Variants in IL1RAP observed in about 807,000 individuals in gnomAD.
IL1RAP encodes interleukin 1 receptor accessory protein.
IL1RAP carries 35 observed loss-of-function variants against 60.7 expected under a neutral mutation model. That is an observed-to-expected ratio of 0.58 (90% CI 0.44 to 0.76). The LOEUF (loss-of-function observed/expected upper bound fraction) is 0.76. IL1RAP is among the 30% of genes least tolerant of loss of function. The probability of loss-of-function intolerance (pLI) is 0.00; values close to 1 mark genes in which losing one functional copy is unlikely to be tolerated. For missense variants in IL1RAP, 572 were observed against 693.9 expected, an observed-to-expected ratio of 0.82 and a Z score of 1.97; for synonymous variants, 268 against 250.9, an observed-to-expected ratio of 1.07 and a Z score of -0.64.
At chr3:190,634,723 TTG>T (rs1374805946) in intron 9 of IL1RAP, among the ~76,000 whole-genome samples, 2 of 134,024 alleles carry the variant, frequency 1.5e-5, no homozygotes, top group Non-Finnish European at 3.0e-5. Context: ...TTTTTTGTTG[TTG>T]TTTTTTTTGA....
Position 190,556,622 on chromosome 3 carries a change from G to A in IL1RAP, c.-2+406G>A, listed in dbSNP as rs181152196. 1.8e-3 allele frequency among the ~76,000 whole-genome samples: 278 copies of A among 152,234 alleles called. 1 individual carries two copies. Among genetic ancestry groups the A allele is most frequent in the South Asian group, 5.4e-3 (26 of 4,826 alleles). Reference sequence around the variant, plus strand: ...TCTGTAATTTGTCAAGGCCAGACTTGACAACTAAAACTATCTTCTTTGAAA... The same window carrying A: ...TCTGTAATTTGTCAAGGCCAGACTTAACAACTAAAACTATCTTCTTTGAAA... On this transcript the variant is annotated intron_variant, in intron 2 of 11. Transcript: ENST00000447382.
chr3:190,621,803 A>G (rs1731803572), intron 6 of IL1RAP, among the ~76,000 whole-genome samples: 1 of 152,218 alleles, frequency 6.6e-6, no homozygotes, highest in South Asian at 2.1e-4. Flanking sequence ...GGAAAAACCA[A>G]GTAACTTTGC....
chr3:190,655,225 TC>T (rs1734575465), downstream of IL1RAP, among the ~76,000 whole-genome samples: 1 of 152,196 alleles, frequency 6.6e-6, no homozygotes, highest in African/African-American at 2.4e-5. Flanking sequence ...TTATGTTCAC[TC>T]CTGTTCATAA....
intron 11 of IL1RAP, 42 bp from the exon 12 acceptor site, chr3:190,648,296 T>C: frequency 1.3e-6 from 2 of 1,522,966 alleles, no homozygotes; most frequent in Non-Finnish European, 8.8e-7. Context: ...TTTTGGGGAG[T>C]TTTTGGCCAA....
intron 3 of IL1RAP, among the ~76,000 whole-genome samples, chr3:190,590,942 A>G (rs112088391): frequency 6.6e-6 from 1 of 152,224 alleles, no homozygotes; most frequent in Non-Finnish European, 1.5e-5. Context: ...ACTTGCTACA[A>G]GTAAACTCTT....
At chr3:190,519,497 G>A (rs1008296162) in intron 1 of IL1RAP, among the ~76,000 whole-genome samples, 41 of 152,044 alleles carry the variant, frequency 2.7e-4, no homozygotes, top group African/African-American at 9.4e-4. Flanking sequence ...TGGAACCTGC[G>A]TGTGCCTGAG....
chr3:190,514,611 C>A (rs2108571988), intron 1 of IL1RAP, among the ~76,000 whole-genome samples: 1 of 151,286 alleles, frequency 6.6e-6, no homozygotes, highest in Non-Finnish European at 1.5e-5. Flanking sequence ...CAGAAGGAAG[C>A]GGTGTGTCCC....
chr3:190,656,587 AACG>A (rs1304564582), exon 12 of IL1RAP: 4 of 1,525,908 alleles, frequency 2.6e-6, no homozygotes, highest in Non-Finnish European at 2.6e-6. Flanking sequence ...ATCCAATAAC[AACG>A]ACTTTTATAT....
At chr3:190,610,200 G>A (rs1227961328) in intron 5 of IL1RAP, among the ~76,000 whole-genome samples, 5 of 152,126 alleles carry the variant, frequency 3.3e-5, no homozygotes, top group Admixed American at 1.3e-4. Context: ...AAGCCAGGAC[G>A]TCTTAAGACC....
At chr3:190,594,315 G>A (rs61341630) in intron 3 of IL1RAP, among the ~76,000 whole-genome samples, 9,428 of 152,256 alleles carry the variant, frequency 0.062, 575 homozygotes, top group African/African-American at 0.15. Flanking sequence ...TGTAGAGGTG[G>A]AAAGTTCAGG....
chr3:190,517,604 A>T (rs974500342), intron 1 of IL1RAP, among the ~76,000 whole-genome samples: 3 of 152,224 alleles, frequency 2.0e-5, no homozygotes, highest in Non-Finnish European at 4.4e-5. Flanking sequence ...GAGACTTCTC[A>T]TAGGCCATTA....
Position 190,538,185 on chromosome 3 carries a change from C to T in IL1RAP, c.-88-17945C>T, listed in dbSNP as rs77261861. ...TGGCATCCACAGCCCTTTATTTACACTTTATGCCTTACACTGTTGCTTCTC... is the reference window on the plus strand; with the variant it reads ...TGGCATCCACAGCCCTTTATTTACATTTTATGCCTTACACTGTTGCTTCTC... On this transcript the variant is annotated intron_variant, in intron 1 of 11. Transcript: ENST00000447382. 1.1e-3 allele frequency among the ~76,000 whole-genome samples: 163 copies of T among 152,260 alleles called. 1 individual carries two copies. The highest frequency in any genetic ancestry group is 3.7e-3 in the African/African-American group (154 of 41,558).
chr3:190,564,592 G>A, intron 3 of IL1RAP: 1 of 485,106 alleles, frequency 2.1e-6, no homozygotes, highest in East Asian at 3.3e-5. Flanking sequence ...TTTAAACACA[G>A]GTATTTTTCA....
chr3:190,606,263 G>A (rs1000085682), intron 4 of IL1RAP, among the ~76,000 whole-genome samples: 2 of 152,248 alleles, frequency 1.3e-5, no homozygotes, highest in Middle Eastern at 3.4e-3. Context: ...AGATTATAGT[G>A]GAAAGAGCAT....
chr3:190,561,329 CT>C (rs1257993407), intron 2 of IL1RAP, among the ~76,000 whole-genome samples: 1 of 152,196 alleles, frequency 6.6e-6, no homozygotes, highest in African/African-American at 2.4e-5. Flanking sequence ...ACATTGGTAC[CT>C]TTAATCTGTC....
intron 1 of IL1RAP, among the ~76,000 whole-genome samples, chr3:190,533,837 A>G (rs1723191740): frequency 6.6e-6 from 1 of 152,186 alleles, no homozygotes; most frequent in African/African-American, 2.4e-5. Context: ...GCATCCCCTG[A>G]AAAATACTCC....
chr3:190,619,013 T>C (rs551637342), intron 5 of IL1RAP, among the ~76,000 whole-genome samples: 2 of 152,276 alleles, frequency 1.3e-5, no homozygotes, highest in East Asian at 3.9e-4. Flanking sequence ...AGATGAAATA[T>C]GTGAATAAAA....
At chr3:190,560,305 G>A (rs562884196) in intron 2 of IL1RAP, among the ~76,000 whole-genome samples, 1 of 152,332 alleles carries the variant, frequency 6.6e-6, no homozygotes, top group Admixed American at 6.5e-5. Context: ...TGGCCTTCTG[G>A]GGTGTATTCC....
At chr3:190,563,844 T>G (rs1421499832) in intron 2 of IL1RAP, 1 of 163,770 alleles carries the variant, frequency 6.1e-6, no homozygotes, top group East Asian at 1.6e-4. Context: ...GTAAGAAGGT[T>G]GAATTTATCT....
Sources: allele counts gnomAD v4.1 joint callset (sites outside exome capture counted in the v4.1 genomes callset), GRCh38; gene constraint gnomAD v4.1.1; transcripts MANE v1.5; gene names NCBI Gene and HGNC (gene_info 2026-07-23, HGNC 2026-07-21).